Variants in ZNF521 observed in about 807,000 individuals in gnomAD.
ZNF521 encodes zinc finger protein 521, also known as LYST-interacting protein 3.
Under a neutral mutation model 105.5 loss-of-function variants are expected in ZNF521, and 14 were observed. That is an observed-to-expected ratio of 0.13 (90% CI 0.09 to 0.21). The LOEUF is 0.21. Ranked by LOEUF, ZNF521 falls within the 10% of genes least tolerant of loss-of-function variation. ZNF521 has a pLI of 1.00. For missense variants in ZNF521, 1,233 were observed against 1,629.7 expected (o/e 0.76, Z 4.19); for synonymous variants, 635 against 606.0 (o/e 1.05, Z -0.70).
At chr18:25,183,505 T>A (rs2035668151) in intron 5 of ZNF521, among the ~76,000 whole-genome samples, 2 of 152,194 alleles carry the variant, frequency 1.3e-5, no homozygotes, top group Admixed American at 1.3e-4. Context: ...CACGTTACCC[T>A]ACACTTCATT....
At chr18:25,169,947 T>TA (rs898219669) in intron 5 of ZNF521, among the ~76,000 whole-genome samples, 21 of 152,286 alleles carry the variant, frequency 1.4e-4, no homozygotes, top group Admixed American at 7.2e-4. Context: ...GAAGGAAACT[T>TA]AAAGTGTGTC....
intron 2 of ZNF521, among the ~76,000 whole-genome samples, chr18:25,341,050 C>A (rs1914172598): frequency 6.6e-6 from 1 of 152,204 alleles, no homozygotes; most frequent in African/African-American, 2.4e-5. Flanking sequence ...GTCAGTTACA[C>A]TCCCCACCAT....
intron 5 of ZNF521, among the ~76,000 whole-genome samples, chr18:25,167,272 T>C (rs1345866743): frequency 2.6e-5 from 4 of 152,250 alleles, no homozygotes; most frequent in Non-Finnish European, 5.9e-5. Context: ...CTTGTCTCTT[T>C]ACCAGCCCAA....
intron 5 of ZNF521, among the ~76,000 whole-genome samples, chr18:25,152,664 T>C (rs983024869): frequency 2.0e-5 from 3 of 152,048 alleles, no homozygotes; most frequent in African/African-American, 7.2e-5. Context: ...AATTATGATA[T>C]TGTGTTATGG....
At chr18:25,268,088 A>G (rs915848960) in intron 3 of ZNF521, among the ~76,000 whole-genome samples, 4 of 152,232 alleles carry the variant, frequency 2.6e-5, no homozygotes, top group African/African-American at 9.6e-5. Context: ...AAGAACATAA[A>G]TGAACTGATG....
At chr18:25,339,356 G>C (rs746653762) in intron 2 of ZNF521, among the ~76,000 whole-genome samples, 1 of 152,130 alleles carries the variant, frequency 6.6e-6, no homozygotes, top group Non-Finnish European at 1.5e-5. Context: ...TCTTTCATTC[G>C]AAAACATATG....
In ZNF521 at chr18:25,224,568, C is replaced by A; in HGVS notation, c.3350G>T (p.Gly1117Val). 1 of 1,614,090 alleles carries A rather than the reference C, an allele frequency of 6.2e-7. No individual in the cohort carries two copies. Among genetic ancestry groups the A allele is most frequent in the Non-Finnish European group, 8.5e-7 (1 of 1,180,018 alleles). The change falls in exon 4 of 8, where the codon GGC becomes GTC. Residue 1117 changes from glycine (G) to valine (V), a missense_variant. Physicochemically the swap from Gly to Val is moderately radical, Grantham distance 109 (BLOSUM62 -3). Transcript: ENST00000361524. The stretch of plus-strand genomic sequence containing the variant: ...ACTCAGATTCTCATTCTGGCCCAAG[C>A]CTGGTCTATTCGTGCCGGGAGGGAC... ...INVPPGTNRP[G>V]LGQNENLSAI...
At chr18:25,242,155 A>G (rs1907381511) in intron 3 of ZNF521, among the ~76,000 whole-genome samples, 1 of 152,132 alleles carries the variant, frequency 6.6e-6, no homozygotes, top group African/African-American at 2.4e-5. Context: ...TTTTCCTATT[A>G]TTCAAGGAGC....
chr18:25,350,812 C>G (rs1013139202), intron 2 of ZNF521, 95 bp downstream of exon 2: 2 of 1,400,996 alleles, frequency 1.4e-6, no homozygotes, highest in East Asian at 2.8e-5. Context: ...CACACTCACG[C>G]GCGCACACGC....
chr18:25,150,113 A>G (rs151126578), intron 5 of ZNF521, among the ~76,000 whole-genome samples: 1 of 152,346 alleles, frequency 6.6e-6, no homozygotes, highest in African/African-American at 2.4e-5. Context: ...AAACAAGTTA[A>G]TGGCATTCAC....
chr18:25,338,126 A>C (rs1013680943), intron 2 of ZNF521, among the ~76,000 whole-genome samples: 6 of 152,200 alleles, frequency 3.9e-5, no homozygotes, highest in Non-Finnish European at 5.9e-5. Flanking sequence ...ACCATGGAAC[A>C]GATATTTAAG....
In ZNF521 at chr18:25,225,794, G is replaced by A. The variant is rs903418296; in HGVS notation, c.2124C>T (p.Asp708=). The change falls in exon 4 of 8, where the codon GAC becomes GAT. Residue 708 remains aspartate (D), a synonymous_variant. Transcript: ENST00000361524. This position sits in a 1 kb window ranked among gnomAD's most constrained non-coding sequence, Gnocchi z 5.6. ...GCATGTCCAGCAGGTGTTTCTGAAG[G>A]TCATCCACTGATGTGAATTGCTTGT... The part of the protein sequence containing the change: ...SCDKQFTSVD[D]LQKHLLDMHT... The A allele has an allele frequency of 8.1e-6, 13 of 1,614,218 alleles. No homozygotes were observed. Among genetic ancestry groups the A allele is most frequent in the Non-Finnish European group, 1.0e-5 (12 of 1,180,036 alleles).
chr18:25,181,058 T>C (rs780231830), intron 5 of ZNF521, among the ~76,000 whole-genome samples: 5 of 152,040 alleles, frequency 3.3e-5, no homozygotes, highest in Non-Finnish European at 7.4e-5. Context: ...GATTACCCTA[T>C]CCCCCAAAGG....
intron 7 of ZNF521, among the ~76,000 whole-genome samples, chr18:25,085,500 T>C (rs2033600912): frequency 6.6e-6 from 1 of 151,890 alleles, no homozygotes; most frequent in South Asian, 2.1e-4. Context: ...AGATGAACAA[T>C]GTATAGTGAA....
chr18:25,167,835 C>T (rs1391060389), intron 5 of ZNF521, among the ~76,000 whole-genome samples: 6 of 152,070 alleles, frequency 3.9e-5, no homozygotes, highest in South Asian at 4.1e-4. Context: ...AGTGCTGTTC[C>T]GCTCCCTCAT....
At chr18:25,253,347 A>G (rs1252667279) in intron 3 of ZNF521, among the ~76,000 whole-genome samples, 1 of 152,134 alleles carries the variant, frequency 6.6e-6, no homozygotes, top group African/African-American at 2.4e-5. Context: ...ATTTATTTGC[A>G]CTGCCACATT....
At position 25,182,682 on chromosome 18, in the gene ZNF521, A is replaced by C. The variant is rs191591148; in HGVS notation, c.3658+12478T>G. ...CTTCTTATGAGAATACAAATAGCAA[A>C]TAAGATCAGCAAGCCGTGTTTTACA... On this transcript the variant is annotated intron_variant, in intron 5 of 7. Transcript: ENST00000361524. 2.4e-3 allele frequency among the ~76,000 whole-genome samples: 368 copies of C among 152,316 alleles called. 2 individuals carry two copies. The highest frequency in any genetic ancestry group is 3.7e-3 in the Non-Finnish European group (251 of 68,030).
intron 5 of ZNF521, among the ~76,000 whole-genome samples, chr18:25,106,084 TA>T (rs2034067416): frequency 6.6e-6 from 1 of 152,164 alleles, no homozygotes; most frequent in South Asian, 2.1e-4. Context: ...AAAATCTGAC[TA>T]ATTCATGAAG....
At chr18:25,160,604 AAAGTTCCACAGAT>A (rs1294301658) in intron 5 of ZNF521, among the ~76,000 whole-genome samples, 1 of 152,198 alleles carries the variant, frequency 6.6e-6, no homozygotes, top group Non-Finnish European at 1.5e-5. Flanking sequence ...TTTAGAAGTA[AAAGTTCCACAGAT>A]AAGTTCGCGC....
Sources: allele counts gnomAD v4.1 joint callset (sites outside exome capture counted in the v4.1 genomes callset), GRCh38; gene constraint gnomAD v4.1.1; non-coding constraint Gnocchi (gnomAD v3.1); transcripts MANE v1.5; gene names NCBI Gene and HGNC (gene_info 2026-07-23, HGNC 2026-07-21).